The following KLF12 variants were observed in gnomAD, a reference collection of about 807,000 sequenced individuals.
The protein encoded by KLF12 is KLF transcription factor 12.
A neutral mutation model predicts 37.8 loss-of-function variants in KLF12; 9 were observed. The observed-to-expected ratio is 0.24, with a 90% CI of 0.14 to 0.42. The LOEUF (loss-of-function observed/expected upper bound fraction) is 0.42. KLF12 is among the 10% of genes least tolerant of loss of function. KLF12 has a pLI of 1.00. For missense variants in KLF12, 411 were observed against 516.0 expected, an observed-to-expected ratio of 0.80 and a Z score of 1.97; for synonymous variants, 208 against 202.1, an observed-to-expected ratio of 1.03 and a Z score of -0.25.
the KLF12 span, among the ~76,000 whole-genome samples, chr13:74,275,127 G>A: frequency 2.7e-3 from 405 of 152,316 alleles, no homozygotes; most frequent in African/African-American, 9.2e-3. Context: ...ATTGTTCAAA[G>A]CAAAGGGAAC....
At chr13:73,955,960 T>G (rs1372796301) in intron 2 of KLF12, among the ~76,000 whole-genome samples, 1 of 152,192 alleles carries the variant, frequency 6.6e-6, no homozygotes, top group Non-Finnish European at 1.5e-5. Context: ...TTACCAACCA[T>G]GCTTGTCTCT....
chr13:73,713,613 A>G (rs1961679274), intron 7 of KLF12, among the ~76,000 whole-genome samples: 1 of 152,250 alleles, frequency 6.6e-6, no homozygotes, highest in African/African-American at 2.4e-5. Flanking sequence ...TAGCCAAGCT[A>G]ATCAATTCTG....
chr13:73,885,720 G>A (rs1043344120), intron 3 of KLF12, among the ~76,000 whole-genome samples: 13 of 152,170 alleles, frequency 8.5e-5, no homozygotes, highest in Non-Finnish European at 1.6e-4. Flanking sequence ...CTAATTCAAA[G>A]GGAAATGGAA....
the KLF12 span, among the ~76,000 whole-genome samples, chr13:74,151,426 G>A: frequency 4.6e-5 from 7 of 152,196 alleles, no homozygotes; most frequent in South Asian, 2.1e-4. Context: ...CGAGGTGGGC[G>A]GATTGCTTGA....
At chr13:73,718,307 A>T (rs551645897) in intron 6 of KLF12, among the ~76,000 whole-genome samples, 6 of 152,246 alleles carry the variant, frequency 3.9e-5, no homozygotes, top group Admixed American at 1.3e-4. Context: ...ATCGGGCAAC[A>T]CAGCCCATCA....
chr13:73,935,620 T>C (rs1241528795), intron 3 of KLF12, among the ~76,000 whole-genome samples: 1 of 152,134 alleles, frequency 6.6e-6, no homozygotes, highest in African/African-American at 2.4e-5. Flanking sequence ...CTTTGCTTTC[T>C]GCCATGATTT....
the KLF12 span, among the ~76,000 whole-genome samples, chr13:74,186,476 T>G: frequency 3.3e-5 from 5 of 152,114 alleles, no homozygotes; most frequent in Non-Finnish European, 4.4e-5. Context: ...TTGGACAGGT[T>G]GGGTACAAAT....
At chr13:73,982,447 A>G (rs1245482197) in intron 2 of KLF12, among the ~76,000 whole-genome samples, 1 of 152,198 alleles carries the variant, frequency 6.6e-6, no homozygotes, top group Non-Finnish European at 1.5e-5. Flanking sequence ...GTAAACGTAC[A>G]CTTAGGCAAA....
chr13:74,040,910 C>G (rs1401112949), intron 1 of KLF12, among the ~76,000 whole-genome samples: 10 of 152,188 alleles, frequency 6.6e-5, no homozygotes, highest in Admixed American at 6.5e-4. Flanking sequence ...CTCCTTCACC[C>G]AGACCTTTCC....
At chr13:73,928,892 G>T (rs943045526) in intron 3 of KLF12, among the ~76,000 whole-genome samples, 13 of 152,252 alleles carry the variant, frequency 8.5e-5, no homozygotes, top group African/African-American at 3.1e-4. Flanking sequence ...TAATATAAGT[G>T]CCCAAGCACA....
chr13:73,882,574 A>G (rs371100640), intron 3 of KLF12, among the ~76,000 whole-genome samples: 1 of 152,206 alleles, frequency 6.6e-6, no homozygotes, highest in East Asian at 1.9e-4. Context: ...AGAAATGTCA[A>G]CTACAGAATT....
the KLF12 span, among the ~76,000 whole-genome samples, chr13:74,159,731 T>TA: frequency 2.6e-5 from 4 of 152,156 alleles, no homozygotes; most frequent in Non-Finnish European, 5.9e-5. Context: ...CAAAAAGTTC[T>TA]TTTTCAGCCG....
chr13:74,288,534 A>G, the KLF12 span, among the ~76,000 whole-genome samples: 1 of 152,178 alleles, frequency 6.6e-6, no homozygotes, highest in African/African-American at 2.4e-5. Context: ...CAAATCAGCA[A>G]CTTCTGCACT....
At chr13:74,147,791 TTCC>T in the KLF12 span, among the ~76,000 whole-genome samples, 83 of 152,274 alleles carry the variant, frequency 5.5e-4, no homozygotes, top group African/African-American at 1.9e-3. Context: ...AGCTCTGCCT[TTCC>T]TCCTCCTACC....
At chr13:73,871,517 A>G (rs1886463849) in intron 3 of KLF12, among the ~76,000 whole-genome samples, 1 of 152,222 alleles carries the variant, frequency 6.6e-6, no homozygotes, top group South Asian at 2.1e-4. Context: ...ATCACCAGGA[A>G]TGCACATTCT....
the KLF12 span, among the ~76,000 whole-genome samples, chr13:74,226,993 G>A: frequency 6.6e-6 from 1 of 152,088 alleles, no homozygotes; most frequent in Admixed American, 6.6e-5. Context: ...TCTGCATACT[G>A]CTCAGACTCT....
At chr13:73,955,916 CG>C (rs1181975728) in intron 2 of KLF12, among the ~76,000 whole-genome samples, 1 of 152,198 alleles carries the variant, frequency 6.6e-6, no homozygotes, top group Non-Finnish European at 1.5e-5. Flanking sequence ...ATCACCCTGA[CG>C]ATGTTCTTTC....
chr13:73,987,779 G>A (rs1394185439), intron 2 of KLF12, among the ~76,000 whole-genome samples: 1 of 133,142 alleles, frequency 7.5e-6, no homozygotes, highest in Non-Finnish European at 1.6e-5. Context: ...GGAGAGGGGA[G>A]AGAAGAAGTG....
intron 6 of KLF12, among the ~76,000 whole-genome samples, chr13:73,738,659 C>T (rs1877712149): frequency 6.6e-6 from 1 of 152,080 alleles, no homozygotes; most frequent in Non-Finnish European, 1.5e-5. Flanking sequence ...TCTATGCATG[C>T]TGAGGGATGT....
Sources: gnomAD v4.1 joint callset for allele counts (sites outside exome capture counted in the v4.1 genomes callset) on GRCh38, gnomAD v4.1.1 for gene constraint, MANE v1.5 for transcripts, NCBI Gene and HGNC (gene_info 2026-07-23, HGNC 2026-07-21) for gene names.